Variants in ELAVL2 observed in about 807,000 individuals in gnomAD.
The protein encoded by ELAVL2 is ELAV like RNA binding protein 2, also known as ELAV-like protein 2.
Under a neutral mutation model 34.6 loss-of-function variants are expected in ELAVL2, and 4 were observed. That is an observed-to-expected ratio of 0.12 (90% CI 0.06 to 0.26). ELAVL2 has a LOEUF of 0.26. Among genes scored for constraint, ELAVL2 ranks in the 10% least tolerant of loss-of-function variants. ELAVL2 has a pLI of 1.00. For missense variants in ELAVL2, 432 were observed against 442.8 expected, an observed-to-expected ratio of 0.98 and a Z score of 0.22; for synonymous variants, 193 against 154.8, an observed-to-expected ratio of 1.25 and a Z score of -1.83.
At chr9:23,757,451 C>G (rs1471760171) in intron 2 of ELAVL2, among the ~76,000 whole-genome samples, 19 of 152,012 alleles carry the variant, frequency 1.2e-4, no homozygotes, top group Non-Finnish European at 1.5e-5. Flanking sequence ...AAACCTGGGC[C>G]TCTCATCACC....
intron 1 of ELAVL2, among the ~76,000 whole-genome samples, chr9:23,784,823 T>C (rs768889186): frequency 3.3e-5 from 5 of 152,290 alleles, no homozygotes; most frequent in East Asian, 1.9e-4. Flanking sequence ...ATTCAGTAAA[T>C]TGATCATGTA....
chr9:23,850,242 C>A, the ELAVL2 span, among the ~76,000 whole-genome samples: 2 of 151,000 alleles, frequency 1.3e-5, no homozygotes, highest in South Asian at 2.1e-4. Flanking sequence ...ACCACCCCCC[C>A]CGCCCCCAGC....
At chr9:23,758,043 T>C (rs963398239) in intron 2 of ELAVL2, among the ~76,000 whole-genome samples, 1 of 152,150 alleles carries the variant, frequency 6.6e-6, no homozygotes, top group African/African-American at 2.4e-5. Flanking sequence ...TCCAGAGTTT[T>C]CCTGTAACCC....
chr9:23,707,531 T>G (rs1427893302), intron 3 of ELAVL2, among the ~76,000 whole-genome samples: 2 of 152,112 alleles, frequency 1.3e-5, no homozygotes, highest in African/African-American at 4.8e-5. Flanking sequence ...TAACTTCCAA[T>G]GACTGATCAA....
At chr9:23,744,157 C>G (rs1323362677) in intron 2 of ELAVL2, among the ~76,000 whole-genome samples, 8 of 152,170 alleles carry the variant, frequency 5.3e-5, no homozygotes, top group African/African-American at 1.9e-4. Flanking sequence ...AGAAACTGCA[C>G]TAAAGGTACT....
chr9:23,826,024 TAAAA>T lies in ELAVL2; in HGVS notation c.-238_-235del, dbSNP rs1477363251. 2 of 152,000 alleles carry T rather than the reference TAAAA, an allele frequency of 1.3e-5. No homozygotes were observed. The highest frequency in any genetic ancestry group is 6.5e-5 in the Admixed American group (1 of 15,268). 9.4% of individuals were successfully genotyped at this position (152,000 alleles called of 1,614,324 possible). Reference sequence around the variant, plus strand: ...AAAATATGAAAGGGGAGGGGAAACTTAAAAAAGAGTTTAAAAAGACGGAGAGACT... The same window carrying T: ...AAAATATGAAAGGGGAGGGGAAACTTAAGAGTTTAAAAAGACGGAGAGACT... On this transcript the variant is annotated 5_prime_UTR_variant, in exon 1 of 7. Coordinates refer to ENST00000397312, the MANE Select transcript of ELAVL2 (RefSeq NM_004432.5).
rs538232838 is a variant in ELAVL2 at position 23,754,967 on chromosome 9, C to G, written c.229+7039G>C. ...GTTTATGCATACAGTTCTGTATAAA[C>G]CAACCTTGTTAAAAGTGCCCTTATC... On this transcript the variant is annotated intron_variant, in intron 2 of 6. Transcript: ENST00000397312. Among the ~76,000 whole-genome samples the G allele has an allele frequency of 5.5e-4, 83 of 152,230 alleles. No individual in the cohort carries two copies. The Middle Eastern group carries it at 0.014, about 25-fold the overall frequency.
intron 1 of ELAVL2, among the ~76,000 whole-genome samples, chr9:23,774,235 A>C (rs7047031): frequency 7.6e-6 from 1 of 132,316 alleles, no homozygotes; most frequent in Non-Finnish European, 1.5e-5. Context: ...AAAAAAAAAA[A>C]AAAGAAAGAA....
intron 3 of ELAVL2, among the ~76,000 whole-genome samples, chr9:23,717,158 TTCAG>T: frequency 6.6e-6 from 1 of 152,214 alleles, no homozygotes; most frequent in African/African-American, 2.4e-5. Context: ...TGCAACAATG[TTCAG>T]AAACCCAAGT....
intron 4 of ELAVL2, among the ~76,000 whole-genome samples, chr9:23,702,843 AG>A (rs1229245793): frequency 6.6e-6 from 1 of 151,014 alleles, no homozygotes; most frequent in Non-Finnish European, 1.5e-5. Context: ...TTAAGTATGA[AG>A]AATAAATAGT....
intron 1 of ELAVL2, chr9:23,779,459 T>A (rs1283290462): frequency 1.0e-6 from 1 of 970,078 alleles, no homozygotes; most frequent in East Asian, 1.1e-4. Context: ...AGCTAGAGAG[T>A]GGGTGGGCGG....
intron 3 of ELAVL2, among the ~76,000 whole-genome samples, chr9:23,723,063 A>C (rs1199245779): frequency 6.6e-6 from 1 of 152,186 alleles, no homozygotes; most frequent in Non-Finnish European, 1.5e-5. Context: ...TGTGATGTTC[A>C]GGTAGAAAAG....
intron 1 of ELAVL2, among the ~76,000 whole-genome samples, chr9:23,796,270 G>A (rs184269559): frequency 6.6e-6 from 1 of 152,172 alleles, no homozygotes; most frequent in Non-Finnish European, 1.5e-5. Context: ...AAATGTGGAA[G>A]CTTATTACAT....
At chr9:23,763,247 A>G (rs1401719589) in intron 1 of ELAVL2, among the ~76,000 whole-genome samples, 1 of 152,114 alleles carries the variant, frequency 6.6e-6, no homozygotes, top group Non-Finnish European at 1.5e-5. Flanking sequence ...AATGGCCTCA[A>G]ACTGTTCAGG....
chr9:23,697,515 ATAATT>A (rs910093578), intron 5 of ELAVL2, among the ~76,000 whole-genome samples: 1 of 152,226 alleles, frequency 6.6e-6, no homozygotes, highest in African/African-American at 2.4e-5. Context: ...ATTAGAGTTT[ATAATT>A]TAATGAATAG....
intron 2 of ELAVL2, among the ~76,000 whole-genome samples, chr9:23,743,311 C>G (rs1182417501): frequency 1.3e-5 from 2 of 152,314 alleles, no homozygotes; most frequent in East Asian, 3.9e-4. Context: ...TTGCCACATT[C>G]ATATCACACA....
chr9:23,819,003 T>C (rs1414894141), intron 1 of ELAVL2, among the ~76,000 whole-genome samples: 44 of 152,166 alleles, frequency 2.9e-4, no homozygotes. Flanking sequence ...AGCTTAAAAG[T>C]CAGGATATTC....
At chr9:23,840,317 G>T in the ELAVL2 span, among the ~76,000 whole-genome samples, 3 of 152,146 alleles carry the variant, frequency 2.0e-5, no homozygotes, top group African/African-American at 7.2e-5. Context: ...TACCTGTGAG[G>T]TTTTTTTCTT....
chr9:23,717,304 C>T (rs1396697202), intron 3 of ELAVL2, among the ~76,000 whole-genome samples: 1 of 152,104 alleles, frequency 6.6e-6, no homozygotes, highest in Non-Finnish European at 1.5e-5. Flanking sequence ...TGGGTCTCCA[C>T]GGATCTTTGC....
Sources: gnomAD v4.1 joint callset for allele counts (sites outside exome capture counted in the v4.1 genomes callset) on GRCh38, gnomAD v4.1.1 for gene constraint, MANE v1.5 for transcripts, NCBI Gene and HGNC (gene_info 2026-07-23, HGNC 2026-07-21) for gene names.